Variants in ACACA observed in about 807,000 individuals in gnomAD.
ACACA encodes the protein acetyl-CoA carboxylase alpha, also known as acetyl-CoA carboxylase 1.
A neutral mutation model predicts 296.1 loss-of-function variants in ACACA; 103 were observed. That is an observed-to-expected ratio of 0.35 (90% CI 0.30 to 0.41). The LOEUF (loss-of-function observed/expected upper bound fraction) is 0.41. Among genes scored for constraint, ACACA ranks in the 10% least tolerant of loss-of-function variants. The pLI, the probability that ACACA is intolerant of heterozygous loss-of-function variation, is 1.00. For missense variants in ACACA, 1,554 were observed against 2,989.7 expected (o/e 0.52, Z 11.20); for synonymous variants, 953 against 1,038.6 (o/e 0.92, Z 1.58).
intron 3 of ACACA, among the ~76,000 whole-genome samples, chr17:37,293,207 T>C (rs1371712871): frequency 1.3e-5 from 2 of 152,252 alleles, no homozygotes; most frequent in African/African-American, 4.8e-5. Context: ...CCTTACTACA[T>C]TGTTTCATAA....
At chr17:37,091,974 T>C (rs537791135) in intron 54 of ACACA, among the ~76,000 whole-genome samples, 2 of 152,210 alleles carry the variant, frequency 1.3e-5, no homozygotes, top group African/African-American at 4.8e-5. Flanking sequence ...GAAGAAGCCA[T>C]TATTATTTCC....
chr17:37,200,161 T>G lies in ACACA; in HGVS notation c.4136A>C (p.Tyr1379Ser). ...TACATGAAATCTCCGATCCACCTCA[T>G]AGTTGACCTGCTTTCTGAAATCCTT... ...AQKDFRKQVNYEVDRRFHREF... is the reference protein window; with the variant it reads ...AQKDFRKQVNSEVDRRFHREF... Residue 1379 changes from tyrosine to serine, a missense_variant, in exon 35 of 56, where the codon TAT becomes TCT. Tyr to Ser is a moderately radical substitution (Grantham distance 144, BLOSUM62 -2). This residue lies in a region of ACACA where 179 missense variants were observed against 283.2 expected (regional missense o/e 0.63). Coordinates refer to ENST00000616317, the MANE Select transcript of ACACA (RefSeq NM_198834.3). 4 of 1,608,220 alleles carry G rather than the reference T, an allele frequency of 2.5e-6. No individual in the cohort carries two copies. Among genetic ancestry groups the G allele is most frequent in the Non-Finnish European group, 3.4e-6 (4 of 1,174,704 alleles).
At chr17:37,207,912 C>T in intron 30 of ACACA, 112 bp from the exon 31 acceptor site, 1 of 1,340,750 alleles carries the variant, frequency 7.5e-7, no homozygotes, top group Non-Finnish European at 1.1e-6. Flanking sequence ...GGTCAGGTTG[C>T]AGAGCAGATT....
chr17:37,196,507 G>A (rs898176402), intron 35 of ACACA, among the ~76,000 whole-genome samples: 3 of 151,664 alleles, frequency 2.0e-5, no homozygotes, highest in African/African-American at 7.3e-5. Context: ...ATGTAAAACT[G>A]TTTGATTTAG....
chr17:37,109,165 A>G (rs939957001), intron 52 of ACACA, among the ~76,000 whole-genome samples: 1 of 152,220 alleles, frequency 6.6e-6, no homozygotes, highest in Admixed American at 6.5e-5. Context: ...ATGTCCTGTT[A>G]TATCTAGGCT....
intron 41 of ACACA, among the ~76,000 whole-genome samples, chr17:37,165,820 C>T (rs1258901105): frequency 6.6e-6 from 1 of 152,018 alleles, no homozygotes; most frequent in African/African-American, 2.4e-5. Flanking sequence ...GGACTACAGG[C>T]ATGTGCCACC....
intron 40 of ACACA, 138 bp downstream of exon 40, chr17:37,181,063 T>A (rs535632803): frequency 8.6e-6 from 8 of 934,018 alleles, no homozygotes; most frequent in Non-Finnish European, 1.4e-5. Flanking sequence ...AATCCTCAAA[T>A]GAAATAGAAA....
Position 37,289,199 on chromosome 17 carries a change from T to C in ACACA, c.339-4229A>G, listed in dbSNP as rs1032010159. On this transcript the variant is annotated intron_variant, in intron 3 of 55. Coordinates refer to ENST00000616317, the MANE Select transcript of ACACA (RefSeq NM_198834.3). ...ATCGCTTGAACCCAGGAGACAGAGGTTGCAGTGAGCCAAGATCACGCCACT... is the reference window on the plus strand; with the variant it reads ...ATCGCTTGAACCCAGGAGACAGAGGCTGCAGTGAGCCAAGATCACGCCACT... Among the ~76,000 whole-genome samples the C allele has an allele frequency of 4.0e-5, 6 of 151,490 alleles. No homozygotes were observed. The South Asian group carries it at 1.3e-3, about 32-fold the overall frequency.
chr17:37,167,538 C>T (rs950013840), intron 41 of ACACA, among the ~76,000 whole-genome samples: 8 of 151,600 alleles, frequency 5.3e-5, no homozygotes, highest in African/African-American at 1.7e-4. Context: ...AGGCTGGTCT[C>T]GAACCCCTGA....
Position 37,327,347 on chromosome 17 carries a change from G to A in ACACA, c.338+2826C>T, listed in dbSNP as rs141962831. Among the ~76,000 whole-genome samples, 875 of 152,282 alleles carry A rather than the reference G, an allele frequency of 5.7e-3. 20 individuals carry two copies. Among genetic ancestry groups the A allele is most frequent in the Admixed American group, 0.047 (723 of 15,292 alleles). ...ACCCCAAAGGTCACCATATCCAGAA[G>A]TGACTTAAGGAATGGATAAACAGAA... On this transcript the variant is annotated intron_variant, in intron 3 of 55. Transcript: ENST00000616317.
chr17:37,391,755 A>G, intron 1 of ACACA: 2 of 1,562,996 alleles, frequency 1.3e-6, no homozygotes, highest in Non-Finnish European at 1.8e-6. Context: ...AGACTGAATG[A>G]TACTACACAG....
At chr17:37,292,144 G>A (rs938068409) in intron 3 of ACACA, among the ~76,000 whole-genome samples, 1 of 152,052 alleles carries the variant, frequency 6.6e-6, no homozygotes, top group Non-Finnish European at 1.5e-5. Context: ...AGGGTGATAC[G>A]AGCATTTGTA....
At chr17:37,375,618 C>A (rs1405389632) in intron 1 of ACACA, among the ~76,000 whole-genome samples, 4 of 152,194 alleles carry the variant, frequency 2.6e-5, no homozygotes, top group African/African-American at 9.7e-5. Context: ...ATTGTACTGA[C>A]TCCTAGTCCT....
chr17:37,397,118 A>G (rs2051108485), intron 1 of ACACA, among the ~76,000 whole-genome samples: 2 of 148,858 alleles, frequency 1.3e-5, no homozygotes, highest in African/African-American at 2.5e-5. Context: ...ATTTCCACCT[A>G]TGAGTGAGAA....
At chr17:37,096,175 GC>G (rs1020925248) in intron 54 of ACACA, among the ~76,000 whole-genome samples, 1 of 152,064 alleles carries the variant, frequency 6.6e-6, no homozygotes, top group African/African-American at 2.4e-5. Context: ...CCTCCACACA[GC>G]CCCCTTAGTG....
intron 47 of ACACA, among the ~76,000 whole-genome samples, chr17:37,126,586 C>T (rs1322789904): frequency 6.6e-6 from 1 of 152,166 alleles, no homozygotes; most frequent in Non-Finnish European, 1.5e-5. Context: ...TCCTAGTTTG[C>T]CCTCTCAGCT....
chr17:37,295,230 T>C (rs1235989957), intron 3 of ACACA, among the ~76,000 whole-genome samples: 1 of 152,152 alleles, frequency 6.6e-6, no homozygotes, highest in Non-Finnish European at 1.5e-5. Context: ...AACCTGCAGT[T>C]GCCTCTGTGT....
Position 37,087,843 on chromosome 17 carries a change from T to C in ACACA, c.7029-404A>G, listed in dbSNP as rs114785659. 9.2e-3 allele frequency among the ~76,000 whole-genome samples: 1,407 copies of C among 152,210 alleles called. 18 individuals are homozygous for C. Among genetic ancestry groups the C allele is most frequent in the African/African-American group, 0.032 (1,341 of 41,530 alleles). On this transcript the variant is annotated intron_variant, in intron 55 of 55. Transcript: ENST00000616317. Reference sequence around the variant, plus strand: ...AGGACTGAGTGGTGACTGGTAATTGTGGAGGGTGTGCTGGAGTTGGAAAGT... The same window carrying C: ...AGGACTGAGTGGTGACTGGTAATTGCGGAGGGTGTGCTGGAGTTGGAAAGT...
At chr17:37,308,419 GA>G (rs2083982328) in intron 3 of ACACA, among the ~76,000 whole-genome samples, 1 of 151,682 alleles carries the variant, frequency 6.6e-6, no homozygotes, top group Non-Finnish European at 1.5e-5. Flanking sequence ...AAAAATAAAA[GA>G]AAAAAATGCT....
Sources: allele counts gnomAD v4.1 joint callset (sites outside exome capture counted in the v4.1 genomes callset), GRCh38; gene constraint gnomAD v4.1.1; regional missense constraint gnomAD v4.1.1; transcripts MANE v1.5; gene names NCBI Gene and HGNC (gene_info 2026-07-23, HGNC 2026-07-21).